Variants in CRELD1 observed in about 807,000 individuals in gnomAD.
CRELD1 encodes the protein CRELD disulfide isomerase 1.
CRELD1 carries 42 observed loss-of-function variants against 58.2 expected under a neutral mutation model. That is an observed-to-expected ratio of 0.72 (90% confidence interval 0.56 to 0.93). The LOEUF (loss-of-function observed/expected upper bound fraction) is 0.93. CRELD1 is among the 40% of genes least tolerant of loss of function. The pLI, the probability that CRELD1 is intolerant of heterozygous loss-of-function variation, is 0.00. For missense variants in CRELD1, 500 were observed against 540.6 expected (o/e 0.92, Z 0.74); for synonymous variants, 222 against 202.0 (o/e 1.10, Z -0.84).
chr3:9,943,039 G>A (rs1365718452), intron 8 of CRELD1, 38 bp from the exon 9 acceptor site: 2 of 1,599,262 alleles, frequency 1.3e-6, no homozygotes, highest in African/African-American at 1.3e-5. Context: ...CTGGGCCTAG[G>A]TGCACATCTC....
In CRELD1 at chr3:9,942,866, G is replaced by C. The variant is rs201445262; in HGVS notation, c.787G>C (p.Val263Leu). ...GANCGADQFC[V>L]NTEGSYECRD... ...CAACTGTGGAGCTGACCAATTCTGC[G>C]TGAACACTGAGGGCTCCTATGAGTG... Residue 263 changes from valine to leucine, a missense_variant, in exon 8 of 11, where the codon GTG becomes CTG. Transcript: ENST00000452070. 3 of 1,614,172 alleles carry C rather than the reference G, an allele frequency of 1.9e-6. No individual in the cohort carries two copies. The highest frequency in any genetic ancestry group is 2.2e-5 in the South Asian group (2 of 91,082).
At chr3:9,939,918 G>C (rs1238177611) in intron 5 of CRELD1, among the ~76,000 whole-genome samples, 4 of 151,882 alleles carry the variant, frequency 2.6e-5, no homozygotes, top group Non-Finnish European at 5.9e-5. Flanking sequence ...GCCGGGCAGA[G>C]GCGCCCCTCA....
At chr3:9,943,305 TGA>T (rs138442570) in intron 9 of CRELD1, 74 bp from the exon 10 acceptor site, 107,508 of 1,610,074 alleles carry the variant, frequency 0.067, 5,621 homozygotes, top group African/African-American at 0.27. Context: ...AGGGGAGTGT[TGA>T]GAGATGGACA....
chr3:9,943,532 G>C lies in CRELD1; in HGVS notation c.1048+17G>C. The stretch of plus-strand genomic sequence containing the variant: ...AGATCCCAGGTGAGCCCTGGGGCGG[G>C]AGAGGGGAGGTCCTCATTCAAAGAG... On this transcript the variant is annotated intron_variant, in intron 10 of 10. Transcript: ENST00000452070. 6.2e-7 allele frequency: 1 copy of C among 1,613,986 alleles called. No homozygotes were observed. The highest frequency in any genetic ancestry group is 1.1e-5 in the South Asian group (1 of 91,090).
In CRELD1 at chr3:9,944,354, C is replaced by G; in HGVS notation, c.1049-11C>G. On this transcript the variant is annotated splice_polypyrimidine_tract_variant and intron_variant, in intron 10 of 10. Transcript: ENST00000452070. ...TACGAGTGCCAGGCTGCATCTCTTGCTCCTCTGCAGAGTCAGCAGGCTTCT... is the reference window on the plus strand; with the variant it reads ...TACGAGTGCCAGGCTGCATCTCTTGGTCCTCTGCAGAGTCAGCAGGCTTCT... 3.1e-6 allele frequency: 5 copies of G among 1,611,120 alleles called. No individual in the cohort carries two copies. The highest frequency in any genetic ancestry group is 4.2e-6 in the Non-Finnish European group (5 of 1,177,378).
chr3:9,934,795 C>A, intron 2 of CRELD1, 40 bp from the exon 3 acceptor site: 3 of 1,578,312 alleles, frequency 1.9e-6, no homozygotes, highest in East Asian at 2.3e-5. Flanking sequence ...TAGCATGTGC[C>A]AGGCACTGTA....
At chr3:9,934,290 T>A (rs2085097179) in intron 1 of CRELD1, 130 bp from the exon 2 acceptor site, 811 of 643,576 alleles carry the variant, frequency 1.3e-3, no homozygotes, top group Middle Eastern at 2.7e-3. Context: ...GCCCCTGCAA[T>A]ACCCAGTTTG....
rs1338753883 is a variant in CRELD1 at position 9,934,602 on chromosome 3, G to C, written c.164G>C (p.Ser55Thr). The C allele has an allele frequency of 1.2e-6, 2 of 1,612,804 alleles. No homozygotes were observed. The highest frequency in any genetic ancestry group is 1.7e-6 in the Non-Finnish European group (2 of 1,178,982). The change falls in exon 2 of 11, where the codon AGC (serine) becomes ACC (threonine). Residue 55 changes from serine (S) to threonine (T), a missense_variant. Physicochemically the swap from Ser to Thr is moderately conservative, Grantham distance 58. Coordinates refer to ENST00000452070, the MANE Select transcript of CRELD1 (RefSeq NM_001077415.3). ...CATACCTGCCGGGGACTGGTTGACA[G>C]CTTTAACAAGGTGGGTGCACCGGCA... ...PCHTCRGLVD[S>T]FNKGLERTIR...
At chr3:9,941,519 G>A (rs528825944) in intron 7 of CRELD1, among the ~76,000 whole-genome samples, 9 of 152,276 alleles carry the variant, frequency 5.9e-5, no homozygotes, top group Non-Finnish European at 8.8e-5. Flanking sequence ...GGCTGGGCGC[G>A]GTGGCTCACG....
At chr3:9,937,874 G>C (rs2085239615) in intron 4 of CRELD1, 141 bp from the exon 5 acceptor site, 1 of 752,812 alleles carries the variant, frequency 1.3e-6, no homozygotes. Context: ...AATGGGGAAA[G>C]GGCATTGGTC....
chr3:9,944,118 C>T (rs770945918), intron 10 of CRELD1: 2 of 788,944 alleles, frequency 2.5e-6, no homozygotes, highest in Admixed American at 1.7e-5. Context: ...CTGCCCCCAA[C>T]TTGTCCACCA....
chr3:9,943,560 G>A (rs767150189), intron 10 of CRELD1, 45 bp downstream of exon 10: 1 of 1,613,274 alleles, frequency 6.2e-7, no homozygotes, highest in Non-Finnish European at 8.5e-7. Flanking sequence ...TCAAAGAGAA[G>A]GCAGGCAAGC....
chr3:9,939,035 T>C (rs1162571764), intron 5 of CRELD1, among the ~76,000 whole-genome samples: 1 of 151,644 alleles, frequency 6.6e-6, no homozygotes, highest in African/African-American at 2.4e-5. Context: ...CAGCCTGTTG[T>C]TCCCCTAGGC....
rs577786894 is a variant in CRELD1, at chr3:9,940,104, C to T, written c.461-746C>T. On this transcript the variant is annotated intron_variant, in intron 5 of 10. Transcript: ENST00000452070. ...GCAGAGACGCTCCTCACCTCCCAGA[C>T]GGGGTCGCGGCCGGGCAGAGACGCT... 2.6e-3 allele frequency among the ~76,000 whole-genome samples: 388 copies of T among 151,606 alleles called. 3 individuals carry two copies. Among genetic ancestry groups the T allele is most frequent in the African/African-American group, 8.9e-3 (369 of 41,340 alleles).
At chr3:9,944,247 G>A in intron 10 of CRELD1, 118 bp from the exon 11 acceptor site, 1 of 941,716 alleles carries the variant, frequency 1.1e-6, no homozygotes. Flanking sequence ...AGTGTGCCTG[G>A]CTTGCTGGGC....
chr3:9,941,789 CA>C (rs34088708), intron 7 of CRELD1, among the ~76,000 whole-genome samples: 796 of 20,638 alleles, frequency 0.039, 2 homozygotes, highest in South Asian at 0.057. Context: ...GACTCCATCT[CA>C]AAAAAAAAAA....
intron 6 of CRELD1, 28 bp downstream of exon 6, chr3:9,941,054 G>A (rs1468441677): frequency 6.2e-7 from 1 of 1,614,198 alleles, no homozygotes; most frequent in South Asian, 1.1e-5. Context: ...GTGGCACTGG[G>A]CAGGGGCAGA....
chr3:9,943,817 G>C, intron 10 of CRELD1: 1 of 1,612,436 alleles, frequency 6.2e-7, no homozygotes. Context: ...GTCCTAGGCC[G>C]GGGGTGTGGT....
At position 9,941,001 on chromosome 3, in the gene CRELD1, C is replaced by T. The variant is rs1167068258; in HGVS notation, c.612C>T (p.Arg204=). The change falls in exon 6 of 11, where the codon CGC becomes CGT. Residue 204 remains arginine, a synonymous_variant. Transcript: ENST00000452070. ...GCCTTGGCTACTTTGAGGCAGAACG[C>T]AACGCCAGCCATCTGGTATGTTCGG... is the stretch of plus-strand genomic sequence containing the variant. ...QCGLGYFEAE[R]NASHLVCSAC... The T allele has an allele frequency of 6.2e-7, 1 of 1,614,122 alleles. No homozygotes were observed. The highest frequency in any genetic ancestry group is 1.1e-5 in the South Asian group (1 of 91,076).
Sources: allele counts gnomAD v4.1 joint callset (sites outside exome capture counted in the v4.1 genomes callset), GRCh38; gene constraint gnomAD v4.1.1; transcripts MANE v1.5; gene names NCBI Gene and HGNC (gene_info 2026-07-23, HGNC 2026-07-21).